Variants in ADGRL3 observed in about 807,000 individuals in gnomAD.
ADGRL3 encodes the protein calcium-independent alpha-latrotoxin receptor 3.
Under a neutral mutation model 153.5 loss-of-function variants are expected in ADGRL3, and 62 were observed. That is an observed-to-expected ratio of 0.40 (90% CI 0.33 to 0.50). ADGRL3 has a LOEUF of 0.50. ADGRL3 is among the 20% of genes least tolerant of loss of function. ADGRL3 has a pLI of 0.47. For synonymous variants in ADGRL3, 710 were observed against 672.5 expected (o/e 1.06, Z -0.86); for missense variants, 1,641 against 1,859.4 (o/e 0.88, Z 2.16).
intron 1 of ADGRL3, among the ~76,000 whole-genome samples, chr4:61,348,828 A>T (rs1199865323): frequency 6.6e-6 from 1 of 151,980 alleles, no homozygotes; most frequent in Non-Finnish European, 1.5e-5. Context: ...TAAATAAATT[A>T]TTTCTTTGTG....
chr4:61,970,412 T>C (rs2150639095), intron 17 of ADGRL3, among the ~76,000 whole-genome samples: 1 of 152,308 alleles, frequency 6.6e-6, no homozygotes, highest in South Asian at 2.1e-4. Context: ...TTCTGCTGTT[T>C]TCTTTCATTC....
intron 9 of ADGRL3, among the ~76,000 whole-genome samples, chr4:61,833,180 A>G (rs2097893096): frequency 6.6e-6 from 1 of 152,202 alleles, no homozygotes; most frequent in Non-Finnish European, 1.5e-5. Context: ...TATAGGTGGT[A>G]GAAAAAATAC....
chr4:61,309,248 G>T (rs1005713927), intron 1 of ADGRL3, among the ~76,000 whole-genome samples: 1 of 152,090 alleles, frequency 6.6e-6, no homozygotes, highest in African/African-American at 2.4e-5. Flanking sequence ...CTACTATGTG[G>T]TTCAATATCC....
At chr4:61,762,554 ATACT>A (rs1398677388) in intron 8 of ADGRL3, among the ~76,000 whole-genome samples, 2 of 152,202 alleles carry the variant, frequency 1.3e-5, no homozygotes, top group African/African-American at 2.4e-5. Flanking sequence ...CTATGAAACA[ATACT>A]TATTTATTTA....
At position 61,260,374 on chromosome 4, in the gene ADGRL3, G is replaced by A. The variant is rs149866022; in HGVS notation, c.-240+58609G>A. Reference sequence around the variant, plus strand: ...TTTCTCTGAGCATCGCCGGATTCCCGTGTTAATGAATAATGAAATGGATAG... The same window carrying A: ...TTTCTCTGAGCATCGCCGGATTCCCATGTTAATGAATAATGAAATGGATAG... On this transcript the variant is annotated intron_variant, in intron 1 of 26. Coordinates refer to ENST00000683033, the MANE Select transcript of ADGRL3 (RefSeq NM_001387552.1). Among the ~76,000 whole-genome samples, 380 of 152,284 alleles carry A rather than the reference G, an allele frequency of 2.5e-3. 1 individual carries two copies. Among genetic ancestry groups the A allele is most frequent in the African/African-American group, 8.3e-3 (344 of 41,556 alleles).
chr4:61,586,536 G>A (rs917682479), intron 4 of ADGRL3, among the ~76,000 whole-genome samples: 2 of 152,064 alleles, frequency 1.3e-5, no homozygotes, highest in East Asian at 1.9e-4. Context: ...AATTTTCAGA[G>A]TAAAGTGAAA....
chr4:61,765,027 C>T (rs1287482530), intron 8 of ADGRL3, among the ~76,000 whole-genome samples: 1 of 151,466 alleles, frequency 6.6e-6, no homozygotes, highest in Non-Finnish European at 1.5e-5. Context: ...AGAATTGGGA[C>T]GACTCAGGAT....
intron 8 of ADGRL3, among the ~76,000 whole-genome samples, chr4:61,808,215 C>T (rs890987822): frequency 6.6e-6 from 1 of 152,200 alleles, no homozygotes; most frequent in East Asian, 1.9e-4. Context: ...AGACTGAAAT[C>T]TCTCAATAGA....
intron 4 of ADGRL3, among the ~76,000 whole-genome samples, chr4:61,586,601 G>A (rs1481381902): frequency 2.6e-5 from 4 of 151,986 alleles, no homozygotes; most frequent in Non-Finnish European, 5.9e-5. Flanking sequence ...TTCTAATTGG[G>A]AGGTCTCCAC....
At chr4:61,317,049 A>G (rs1021925) in intron 1 of ADGRL3, among the ~76,000 whole-genome samples, 107,493 of 152,040 alleles carry the variant, frequency 0.71, 38,272 homozygotes, top group East Asian at 0.96. Flanking sequence ...TACCTTTGCA[A>G]GTATTTCTTT....
At chr4:61,913,929 CT>C (rs1429737838) in intron 13 of ADGRL3, among the ~76,000 whole-genome samples, 1 of 152,088 alleles carries the variant, frequency 6.6e-6, no homozygotes, top group Non-Finnish European at 1.5e-5. Context: ...CTGGCAAATT[CT>C]TTTTCTTGCA....
At chr4:61,946,720 T>TA (rs1180782132) in intron 15 of ADGRL3, among the ~76,000 whole-genome samples, 194 bp from the exon 16 acceptor site, 2 of 152,182 alleles carry the variant, frequency 1.3e-5, no homozygotes, top group Non-Finnish European at 2.9e-5. Context: ...AGGCTCATTT[T>TA]AAAAAATATT....
At chr4:61,526,215 T>C (rs531602019) in intron 4 of ADGRL3, among the ~76,000 whole-genome samples, 1 of 152,254 alleles carries the variant, frequency 6.6e-6, no homozygotes, top group Non-Finnish European at 1.5e-5. Context: ...TCACCGAGCA[T>C]GAGCTAAGTG....
intron 1 of ADGRL3, among the ~76,000 whole-genome samples, chr4:61,236,382 G>A (rs1752874900): frequency 6.6e-6 from 1 of 152,000 alleles, no homozygotes; most frequent in South Asian, 2.1e-4. Context: ...GAGACACCCT[G>A]GAGCTTTTTC....
intron 9 of ADGRL3, among the ~76,000 whole-genome samples, chr4:61,837,409 G>A (rs183215085): frequency 5.3e-5 from 8 of 152,240 alleles, no homozygotes; most frequent in Admixed American, 3.3e-4. Flanking sequence ...ACTTAGTTGG[G>A]GAAAGGGAGA....
intron 2 of ADGRL3, among the ~76,000 whole-genome samples, chr4:61,456,863 A>C (rs1349008245): frequency 6.6e-6 from 1 of 151,924 alleles, no homozygotes; most frequent in Non-Finnish European, 1.5e-5. Context: ...TTTATTCTAA[A>C]TTTCTTTTTG....
At chr4:61,579,616 G>A (rs766584226) in intron 4 of ADGRL3, 13 of 513,860 alleles carry the variant, frequency 2.5e-5, no homozygotes, top group African/African-American at 5.8e-5. Flanking sequence ...ATGAAGCTCC[G>A]TAAGTCAAAA....
chr4:61,433,406 A>T (rs1231767279), intron 2 of ADGRL3, among the ~76,000 whole-genome samples: 2 of 151,312 alleles, frequency 1.3e-5, no homozygotes, highest in Non-Finnish European at 2.9e-5. Context: ...TAAAGCTATA[A>T]TGTCTATGTT....
At chr4:61,691,414 T>G (rs1327534612) in intron 6 of ADGRL3, among the ~76,000 whole-genome samples, 5 of 152,198 alleles carry the variant, frequency 3.3e-5, no homozygotes, top group African/African-American at 1.2e-4. Context: ...CTTTTTAACC[T>G]AACTCATGGA....
Sources: allele counts gnomAD v4.1 joint callset (sites outside exome capture counted in the v4.1 genomes callset), GRCh38; gene constraint gnomAD v4.1.1; transcripts MANE v1.5; gene names NCBI Gene and HGNC (gene_info 2026-07-23, HGNC 2026-07-21).